EPHA6: variants seen among roughly 807,000 people sequenced by gnomAD.
The protein encoded by EPHA6 is ephrin type-A receptor 6.
EPHA6 carries 50 observed loss-of-function variants against 112.0 expected under a neutral mutation model. The ratio of observed to expected loss-of-function variants is 0.45; its 90% confidence interval spans 0.36 to 0.56. The LOEUF (loss-of-function observed/expected upper bound fraction) is 0.56. EPHA6 is among the 20% of genes least tolerant of loss of function. The pLI, the probability that EPHA6 is intolerant of heterozygous loss-of-function variation, is 0.00. For synonymous variants in EPHA6, 529 were observed against 490.7 expected (o/e 1.08, Z -1.03); for missense variants, 1,280 against 1,417.4 (o/e 0.90, Z 1.56).
intron 2 of EPHA6, among the ~76,000 whole-genome samples, chr3:96,915,450 G>A (rs1245413515): frequency 2.0e-5 from 3 of 152,056 alleles, no homozygotes; most frequent in Admixed American, 6.6e-5. Flanking sequence ...TGAATGGGAG[G>A]TGATGAGCAG....
intron 8 of EPHA6, among the ~76,000 whole-genome samples, chr3:97,478,447 C>T (rs1038649705): frequency 6.6e-6 from 1 of 151,994 alleles, no homozygotes; most frequent in Admixed American, 6.5e-5. Context: ...TATACCACTT[C>T]AAAGGAGAAT....
chr3:96,885,152 G>A (rs550410755), intron 2 of EPHA6, among the ~76,000 whole-genome samples: 1 of 152,196 alleles, frequency 6.6e-6, no homozygotes, highest in East Asian at 1.9e-4. Context: ...ACTTTAGGAT[G>A]TATGTTCATC....
intron 3 of EPHA6, among the ~76,000 whole-genome samples, chr3:97,030,909 A>T (rs1166602007): frequency 6.6e-6 from 1 of 151,984 alleles, no homozygotes; most frequent in Non-Finnish European, 1.5e-5. Context: ...GGAAAAATGC[A>T]TGTGTGTTAT....
At chr3:97,435,100 G>T (rs1297473710) in intron 6 of EPHA6, among the ~76,000 whole-genome samples, 1 of 151,862 alleles carries the variant, frequency 6.6e-6, no homozygotes, top group East Asian at 1.9e-4. Context: ...ACCCTACTTG[G>T]TTGGTCAAAT....
intron 3 of EPHA6, among the ~76,000 whole-genome samples, chr3:97,026,681 G>A (rs987320184): frequency 6.6e-6 from 1 of 152,014 alleles, no homozygotes; most frequent in Non-Finnish European, 1.5e-5. Context: ...CCAATAGAAA[G>A]AAAGCTCAAC....
intron 11 of EPHA6, among the ~76,000 whole-genome samples, chr3:97,585,007 T>C (rs1369366801): frequency 6.6e-6 from 1 of 152,200 alleles, no homozygotes; most frequent in Non-Finnish European, 1.5e-5. Flanking sequence ...TTACTAAACA[T>C]GATGGACGTA....
chr3:96,915,299 A>T (rs2039430059), intron 2 of EPHA6, among the ~76,000 whole-genome samples: 1 of 152,050 alleles, frequency 6.6e-6, no homozygotes, highest in African/African-American at 2.4e-5. Flanking sequence ...AATGTTAATA[A>T]GAGGGTTCAT....
intron 10 of EPHA6, among the ~76,000 whole-genome samples, chr3:97,512,182 C>T (rs1157682978): frequency 7.2e-5 from 11 of 151,978 alleles, no homozygotes; most frequent in Admixed American, 6.6e-4. Context: ...GGACATCTGC[C>T]TGTTATGGTC....
intron 6 of EPHA6, among the ~76,000 whole-genome samples, chr3:97,425,662 T>C (rs2089055168): frequency 6.6e-6 from 1 of 152,214 alleles, no homozygotes; most frequent in African/African-American, 2.4e-5. Flanking sequence ...GTGATTAACA[T>C]TGGGCTGTTC....
At chr3:96,856,539 A>G (rs539803398) in intron 1 of EPHA6, among the ~76,000 whole-genome samples, 12 of 152,268 alleles carry the variant, frequency 7.9e-5, no homozygotes, top group Admixed American at 1.3e-4. Flanking sequence ...GGCAATAACT[A>G]TGGGAACTAT....
At chr3:97,243,013 A>C (rs1230078321) in intron 4 of EPHA6, among the ~76,000 whole-genome samples, 1 of 151,856 alleles carries the variant, frequency 6.6e-6, no homozygotes, top group Non-Finnish European at 1.5e-5. Context: ...AACATTATAA[A>C]ACTGAGGCTT....
intron 5 of EPHA6, among the ~76,000 whole-genome samples, chr3:97,350,531 G>C (rs1428326598): frequency 6.6e-6 from 1 of 152,114 alleles, no homozygotes; most frequent in African/African-American, 2.4e-5. Context: ...TATTTTAAGA[G>C]TTCATGAAAA....
At position 96,878,961 on chromosome 3, in the gene EPHA6, A is replaced by T. The variant is rs527763789; in HGVS notation, c.450+12072A>T. On this transcript the variant is annotated intron_variant, in intron 2 of 17. Transcript: ENST00000389672. The stretch of plus-strand genomic sequence containing the variant: ...AATATCACTTAAGTGAAAACTGAAT[A>T]AATTGATTATTATTTTGAGTATTAG... Among the ~76,000 whole-genome samples the T allele has an allele frequency of 3.9e-5, 6 of 152,196 alleles. No homozygotes were observed. The South Asian group carries it at 1.2e-3, about 31-fold the overall frequency.
intron 2 of EPHA6, among the ~76,000 whole-genome samples, chr3:96,912,162 C>T (rs570872462): frequency 5.5e-4 from 83 of 152,112 alleles, no homozygotes; most frequent in Middle Eastern, 3.4e-3. Flanking sequence ...AAAATGGTTA[C>T]ATTATATATT....
chr3:97,098,028 G>C (rs1360118845), intron 3 of EPHA6, among the ~76,000 whole-genome samples: 2 of 151,884 alleles, frequency 1.3e-5, no homozygotes, highest in Admixed American at 6.6e-5. Flanking sequence ...TGAGATAAAT[G>C]AACAATAATG....
intron 2 of EPHA6, among the ~76,000 whole-genome samples, chr3:96,951,458 A>G (rs1317661193): frequency 6.6e-6 from 1 of 152,138 alleles, no homozygotes; most frequent in Non-Finnish European, 1.5e-5. Context: ...TATTTGAGAG[A>G]CAATCTTTGA....
At chr3:97,740,401 TCC>T (rs2035450387) in intron 16 of EPHA6, among the ~76,000 whole-genome samples, 1 of 152,114 alleles carries the variant, frequency 6.6e-6, no homozygotes, top group Non-Finnish European at 1.5e-5. Context: ...AAATGTGGCA[TCC>T]CAGGACGGGC....
chr3:97,240,133 A>G (rs2078801082), intron 4 of EPHA6, among the ~76,000 whole-genome samples: 9 of 151,838 alleles, frequency 5.9e-5, no homozygotes, highest in Admixed American at 5.3e-4. Flanking sequence ...ATATAGATAG[A>G]GAAAGAAGTG....
chr3:97,362,112 A>G (rs2084402923), intron 5 of EPHA6, among the ~76,000 whole-genome samples: 2 of 152,164 alleles, frequency 1.3e-5, no homozygotes, highest in African/African-American at 4.8e-5. Flanking sequence ...AAAACAGCTA[A>G]GTACACAAAC....
Sources: allele counts gnomAD v4.1 joint callset (sites outside exome capture counted in the v4.1 genomes callset), GRCh38; gene constraint gnomAD v4.1.1; transcripts MANE v1.5; gene names NCBI Gene and HGNC (gene_info 2026-07-23, HGNC 2026-07-21).